Variants in MGAM observed in about 807,000 individuals in gnomAD.
MGAM encodes the protein maltase-glucoamylase.
Under a neutral mutation model 358.8 loss-of-function variants are expected in MGAM, and 253 were observed. That is an observed-to-expected ratio of 0.71 (90% CI 0.64 to 0.78). The LOEUF is 0.78. Ranked by LOEUF, MGAM falls within the 30% of genes least tolerant of loss-of-function variation. MGAM has a pLI of 0.00. For synonymous variants in MGAM, 1,105 were observed against 1,227.1 expected (o/e 0.90, Z 2.08); for missense variants, 3,080 against 3,432.6 (o/e 0.90, Z 2.57).
intron 14 of MGAM, 87 bp from the exon 15 acceptor site, chr7:142,034,174 CA>C (rs1807758897): frequency 2.2e-6 from 2 of 905,060 alleles, no homozygotes; most frequent in East Asian, 5.5e-5. Flanking sequence ...AGTGCCTGCC[CA>C]GGGGGCTGTC....
chr7:142,076,399 A>T (rs772612831), intron 46 of MGAM, 147 bp downstream of exon 46: 1 of 977,592 alleles, frequency 1.0e-6, no homozygotes, highest in African/African-American at 1.5e-5. Context: ...GATTTCATCG[A>T]TGTTTTCAAA....
Position 142,082,550 on chromosome 7 carries a change from C to T in MGAM, c.6247C>T (p.Leu2083=), listed in dbSNP as rs999682592. The change falls in exon 52 of 71, where the codon CTG becomes TTG. Residue 2083 remains leucine, a synonymous_variant. Coordinates refer to ENST00000475668, the MANE Select transcript of MGAM (RefSeq NM_001365693.1). Reference sequence around the variant, plus strand: ...GGATGGCAGTGCCCATGGAGTGCTCCTGCTGAACAGCAATGCCATGGGTAA... The same window carrying T: ...GGATGGCAGTGCCCATGGAGTGCTCTTGCTGAACAGCAATGCCATGGGTAA... The part of the protein sequence containing the change: ...EEDGSAHGVL[L]LNSNAMDVTF... The T allele has an allele frequency of 1.3e-6, 2 of 1,525,188 alleles. No individual in the cohort carries two copies. The highest frequency in any genetic ancestry group is 1.8e-5 in the Admixed American group (1 of 55,124). The allele number at this position is 1,525,188 out of a possible 1,614,324, so 94.5% of individuals were successfully genotyped here.
intron 24 of MGAM, among the ~76,000 whole-genome samples, chr7:142,051,302 G>A (rs532549811): frequency 2.0e-4 from 30 of 152,130 alleles, no homozygotes; most frequent in African/African-American, 7.0e-4. Context: ...TAATTCTCAA[G>A]CAGTCTCATA....
chr7:142,014,456 A>T (rs1554455367), intron 3 of MGAM, among the ~76,000 whole-genome samples: 1 of 152,078 alleles, frequency 6.6e-6, no homozygotes, highest in African/African-American at 2.4e-5. Flanking sequence ...AATGGTTTTG[A>T]TTTTTTCTAT....
chr7:142,083,911 GGTA>G (rs1278170611), intron 53 of MGAM, among the ~76,000 whole-genome samples: 6 of 129,238 alleles, frequency 4.6e-5, no homozygotes, highest in East Asian at 2.1e-4. Flanking sequence ...CTATGGTGGT[GGTA>G]GTGGTGGTGA....
intron 5 of MGAM, 130 bp downstream of exon 5, chr7:142,021,213 C>A: frequency 1.6e-6 from 1 of 643,896 alleles, no homozygotes; most frequent in Non-Finnish European, 2.6e-6. Flanking sequence ...TATTAATTAG[C>A]ACCTGTATGT....
intron 13 of MGAM, 97 bp from the exon 14 acceptor site, chr7:142,032,728 G>T: frequency 1.4e-6 from 1 of 718,876 alleles, no homozygotes. Context: ...TAAAATATCT[G>T]GAATAATTTA....
chr7:142,076,921 A>G (rs1401901308), intron 47 of MGAM, 95 bp downstream of exon 47: 5 of 1,348,706 alleles, frequency 3.7e-6, no homozygotes, highest in Non-Finnish European at 5.2e-6. Flanking sequence ...CTGAAGTACC[A>G]GGGCACCTTT....
intron 54 of MGAM, among the ~76,000 whole-genome samples, chr7:142,085,428 A>C (rs1814659260): frequency 6.9e-6 from 1 of 145,884 alleles, no homozygotes; most frequent in South Asian, 2.2e-4. Context: ...TAGATTTACC[A>C]TCCACATTGT....
intron 1 of MGAM, among the ~76,000 whole-genome samples, chr7:142,002,929 C>T (rs571267065): frequency 6.6e-6 from 1 of 152,084 alleles, no homozygotes; most frequent in East Asian, 1.9e-4. Context: ...TTTCCATACA[C>T]CAGTAACAAT....
chr7:142,097,649 G>A lies in MGAM; in HGVS notation c.7749G>A (p.Thr2583=), dbSNP rs371235564. ...GAGCCCGCTGGTATGATTACTACAC[G>A]GTAAGTTTTTCTGAATGTTTATACA... is the stretch of plus-strand genomic sequence containing the variant. The part of the protein sequence containing the change: ...FPRARWYDYY[T]GVDINARGEW... Residue 2583 remains threonine (T), a splice_region_variant and synonymous_variant, in exon 66 of 71, where the codon ACG becomes ACA. Transcript: ENST00000475668. The A allele has an allele frequency of 6.2e-6, 10 of 1,604,912 alleles. No individual in the cohort carries two copies. In the Admixed American group the frequency reaches 8.3e-5, roughly 13 times the overall value.
At chr7:142,075,692 C>T (rs1434671714) in intron 45 of MGAM, among the ~76,000 whole-genome samples, 1 of 146,106 alleles carries the variant, frequency 6.8e-6, no homozygotes, top group Non-Finnish European at 1.6e-5. Flanking sequence ...AGATGCTCAG[C>T]ATCAGTAAAT....
intron 26 of MGAM, 30 bp from the exon 27 acceptor site, chr7:142,054,724 G>C (rs200195892): frequency 2.5e-4 from 398 of 1,612,066 alleles, no homozygotes; most frequent in African/African-American, 3.3e-4. Flanking sequence ...GAGTAGTATT[G>C]TTGCCTAAAA....
Position 142,088,660 on chromosome 7 carries a change from A to G in MGAM, c.6810+1943A>G, listed in dbSNP as rs775020814. On this transcript the variant is annotated intron_variant, in intron 57 of 70. Transcript: ENST00000475668. ...TATCTATCTTTCTATCTGTCTGTCT[A>G]TCTATCTATCTATCTATCTATCTAT... Among the ~76,000 whole-genome samples the G allele has an allele frequency of 1.9e-4, 11 of 56,964 alleles. 2 individuals are homozygous for G. Among genetic ancestry groups the G allele is most frequent in the Admixed American group, 6.7e-4 (3 of 4,470 alleles). The allele number at this position is 56,964 out of a possible 152,430, so 37.4% of individuals were successfully genotyped here.
At chr7:141,986,905 G>A (rs1490291102) in intron 2 of MGAM, among the ~76,000 whole-genome samples, 1 of 152,154 alleles carries the variant, frequency 6.6e-6, no homozygotes, top group African/African-American at 2.4e-5. Context: ...AATTGGGAGG[G>A]ACTTTGTGGA....
At chr7:142,051,916 A>G (rs1811011016) in intron 24 of MGAM, among the ~76,000 whole-genome samples, 3 of 152,176 alleles carry the variant, frequency 2.0e-5, no homozygotes, top group Non-Finnish European at 2.9e-5. Flanking sequence ...ACTCCACGCC[A>G]ATGGGTGATA....
At chr7:142,032,344 C>T (rs1807581297) in intron 13 of MGAM, among the ~76,000 whole-genome samples, 1 of 151,964 alleles carries the variant, frequency 6.6e-6, no homozygotes, top group Admixed American at 6.6e-5. Flanking sequence ...TCAAACAATA[C>T]AGAGAGTTAA....
At chr7:142,029,492 A>G (rs1554462448) in intron 10 of MGAM, among the ~76,000 whole-genome samples, 1 of 152,132 alleles carries the variant, frequency 6.6e-6, no homozygotes, top group East Asian at 1.9e-4. Flanking sequence ...TTCCTTACTT[A>G]TAGATAGACA....
intron 12 of MGAM, 43 bp downstream of exon 12, chr7:142,030,800 A>G (rs1807415226): frequency 7.7e-7 from 1 of 1,293,032 alleles, no homozygotes; most frequent in East Asian, 2.3e-5. Context: ...GGGGCTGCAT[A>G]GGGGTGTTTG....
Sources: gnomAD v4.1 joint callset for allele counts (sites outside exome capture counted in the v4.1 genomes callset) on GRCh38, gnomAD v4.1.1 for gene constraint, MANE v1.5 for transcripts, NCBI Gene and HGNC (gene_info 2026-07-23, HGNC 2026-07-21) for gene names.